YES1: variants seen among roughly 807,000 people sequenced by gnomAD.
The protein encoded by YES1 is YES proto-oncogene 1, Src family tyrosine kinase.
In YES1, 39 loss-of-function variants were observed where a neutral mutation model predicts 70.4. That is an observed-to-expected ratio of 0.55 (90% CI 0.43 to 0.72). YES1 has a LOEUF of 0.72. Ranked by LOEUF, YES1 falls within the 30% of genes least tolerant of loss-of-function variation. The probability of loss-of-function intolerance (pLI) is 0.00; values close to 1 mark genes in which losing one functional copy is unlikely to be tolerated. For synonymous variants in YES1, 198 were observed against 218.6 expected (o/e 0.91, Z 0.83); for missense variants, 495 against 644.8 (o/e 0.77, Z 2.52).
chr18:772,311 G>A (rs1292548069), intron 1 of YES1, among the ~76,000 whole-genome samples: 1 of 151,976 alleles, frequency 6.6e-6, no homozygotes, highest in African/African-American at 2.4e-5. Flanking sequence ...TTACAGGCAT[G>A]AGCCACCGCA....
intron 2 of YES1, among the ~76,000 whole-genome samples, chr18:752,352 C>T (rs923765238): frequency 1.8e-4 from 27 of 152,212 alleles, no homozygotes; most frequent in Non-Finnish European, 3.5e-4. Context: ...CCAAGTGATT[C>T]GCCTGCCTTG....
rs577251381 is a variant in YES1, at chr18:746,561, G to A, written c.471-510C>T. ...AGAGCTCACAGAAAATGAGAAGAAA[G>A]ACAAAAGGACAAAACAAAAAGTAAG... On this transcript the variant is annotated intron_variant, in intron 4 of 11. Transcript: ENST00000314574. Among the ~76,000 whole-genome samples, 17 of 152,150 alleles carry A rather than the reference G, an allele frequency of 1.1e-4. 1 individual carries two copies. Among genetic ancestry groups the A allele is most frequent in the South Asian group, 1.0e-3 (5 of 4,822 alleles).
intron 11 of YES1, among the ~76,000 whole-genome samples, chr18:724,893 T>A (rs2145654570): frequency 6.6e-6 from 1 of 152,326 alleles, no homozygotes; most frequent in Non-Finnish European, 1.5e-5. Context: ...CAACCCCATT[T>A]GATTAATAAG....
intron 1 of YES1, among the ~76,000 whole-genome samples, chr18:798,982 T>C (rs1292145491): frequency 6.6e-6 from 1 of 152,206 alleles, no homozygotes; most frequent in Admixed American, 6.5e-5. Context: ...ATAGCAAATA[T>C]CTTTATAGCT....
chr18:778,394 T>C (rs1392638419), intron 1 of YES1, among the ~76,000 whole-genome samples: 1 of 152,240 alleles, frequency 6.6e-6, no homozygotes, highest in Non-Finnish European at 1.5e-5. Flanking sequence ...TCTACTAACT[T>C]TGGAAACAGC....
intron 11 of YES1, among the ~76,000 whole-genome samples, chr18:730,155 G>T (rs999165777): frequency 2.0e-5 from 3 of 151,796 alleles, no homozygotes; most frequent in Admixed American, 1.3e-4. Context: ...GGACTTTCTG[G>T]GGTCTCAACA....
chr18:747,445 G>A (rs2080293629), intron 4 of YES1, among the ~76,000 whole-genome samples: 1 of 152,228 alleles, frequency 6.6e-6, no homozygotes, highest in Non-Finnish European at 1.5e-5. Context: ...CTCTAGCCTG[G>A]GCGACAGAGC....
chr18:743,240 C>G lies in YES1; in HGVS notation c.880+20G>C, dbSNP rs555212897. 1 of 1,599,702 alleles carries G rather than the reference C, an allele frequency of 6.3e-7. No homozygotes were observed. The highest frequency in any genetic ancestry group is 8.5e-7 in the Non-Finnish European group (1 of 1,171,446). On this transcript the variant is annotated intron_variant, in intron 7 of 11. Transcript: ENST00000314574. ...TCCACAGCTAAACAATGACAGAAAA[C>G]AAAAATTCAGGCTTCTTACCCATCC... is the stretch of plus-strand genomic sequence containing the variant.
chr18:728,824 G>A (rs2145666714), intron 11 of YES1, among the ~76,000 whole-genome samples: 2 of 152,264 alleles, frequency 1.3e-5, no homozygotes, highest in African/African-American at 4.8e-5. Context: ...GCGCCCAGCT[G>A]CATTTCGGAT....
At chr18:789,257 T>A (rs76295281) in intron 1 of YES1, among the ~76,000 whole-genome samples, 8,678 of 152,176 alleles carry the variant, frequency 0.057, 346 homozygotes, top group East Asian at 0.13. Context: ...AATACACTTA[T>A]GTCAAAGAGA....
rs571713804 is a variant in YES1 at position 767,363 on chromosome 18, C to A, written c.-8-10528G>T. Among the ~76,000 whole-genome samples the A allele has an allele frequency of 1.3e-4, 20 of 152,260 alleles. 1 individual carries two copies. Among genetic ancestry groups the A allele is most frequent in the South Asian group, 1.0e-3 (5 of 4,820 alleles). ...ACAGAGTTTCACTATGTTGTCCAGG[C>A]TGTTCTGGAACTCGTGAGCTCAAGC... On this transcript the variant is annotated intron_variant, in intron 1 of 11. Transcript: ENST00000314574.
intron 6 of YES1, among the ~76,000 whole-genome samples, chr18:744,597 C>T (rs148037792): frequency 2.8e-3 from 426 of 151,064 alleles, no homozygotes; most frequent in Non-Finnish European, 5.2e-3. Context: ...GCCATGTTGC[C>T]CAGGCTGGTC....
In YES1 at chr18:724,396, T is replaced by C; in HGVS notation, c.*28A>G. 6.3e-7 allele frequency: 1 copy of C among 1,594,312 alleles called. No individual in the cohort carries two copies. The highest frequency in any genetic ancestry group is 1.3e-5 in the African/African-American group (1 of 74,612). ...CACAAGTTCTTTATATTTTGGCAGATTTGTGCATATAAAATAGGCTACTTG... is the reference window on the plus strand; with the variant it reads ...CACAAGTTCTTTATATTTTGGCAGACTTGTGCATATAAAATAGGCTACTTG... On this transcript the variant is annotated 3_prime_UTR_variant, in exon 12 of 12. Transcript: ENST00000314574.
intron 2 of YES1, 37 bp from the exon 3 acceptor site, chr18:751,841 G>C (rs774449335): frequency 1.7e-6 from 2 of 1,185,050 alleles, no homozygotes; most frequent in African/African-American, 3.1e-5. Context: ...AAATTATGTA[G>C]CTAACTTAAC....
At chr18:787,709 C>CAAA (rs34461070) in intron 1 of YES1, among the ~76,000 whole-genome samples, 1 of 139,548 alleles carries the variant, frequency 7.2e-6, no homozygotes, top group African/African-American at 2.6e-5. Flanking sequence ...GACTCTGTCT[C>CAAA]AAAAAAAAAA....
chr18:752,812 G>A (rs56329509), intron 2 of YES1, among the ~76,000 whole-genome samples: 4 of 152,028 alleles, frequency 2.6e-5, no homozygotes, highest in Admixed American at 6.6e-5. Context: ...GCATGGTGGC[G>A]CATGCCTGTA....
intron 1 of YES1, 26 bp from the exon 2 acceptor site, chr18:756,861 GAGTC>G (rs770095038): frequency 2.5e-6 from 4 of 1,594,212 alleles, no homozygotes; most frequent in Admixed American, 3.4e-5. Context: ...AATATTTTGA[GAGTC>G]AGTTAACACA....
At chr18:737,213 G>T (rs2080164179) in intron 9 of YES1, 1 of 300,944 alleles carries the variant, frequency 3.3e-6, no homozygotes, top group Non-Finnish European at 6.1e-6. Context: ...ATTAATTTGG[G>T]AGGCCGAGGC....
intron 2 of YES1, among the ~76,000 whole-genome samples, chr18:755,559 T>A (rs1292331473): frequency 6.6e-6 from 1 of 152,114 alleles, no homozygotes; most frequent in African/African-American, 2.4e-5. Flanking sequence ...GCCTGGCTAT[T>A]GTTTTTGGTC....
Sources: allele counts gnomAD v4.1 joint callset (sites outside exome capture counted in the v4.1 genomes callset), GRCh38; gene constraint gnomAD v4.1.1; transcripts MANE v1.5; gene names NCBI Gene and HGNC (gene_info 2026-07-23, HGNC 2026-07-21).